PPM1H: variants seen among roughly 807,000 people sequenced by gnomAD.
PPM1H encodes the protein protein phosphatase 1H.
A neutral mutation model predicts 54.9 loss-of-function variants in PPM1H; 27 were observed. That is an observed-to-expected ratio of 0.49 (90% CI 0.36 to 0.68). PPM1H has a LOEUF of 0.68. Ranked by LOEUF, PPM1H falls within the 30% of genes least tolerant of loss-of-function variation. The pLI is 0.00. For missense variants in PPM1H, 596 were observed against 667.8 expected, an observed-to-expected ratio of 0.89 and a Z score of 1.19; for synonymous variants, 305 against 270.8, an observed-to-expected ratio of 1.13 and a Z score of -1.24.
Position 62,651,695 on chromosome 12 carries a change from G to A in PPM1H, c.1398-3059C>T, listed in dbSNP as rs1404446512. Among the ~76,000 whole-genome samples the A allele has an allele frequency of 2.0e-5, 3 of 152,006 alleles. No homozygotes were observed. The East Asian group carries it at 5.8e-4, about 29-fold the overall frequency. ...TTCCCTTAGGTGCTTAACTTCCTGA[G>A]GGAAAATCCACTCTTGCTTTCTCAA... On this transcript the variant is annotated intron_variant, in intron 9 of 9. Coordinates refer to ENST00000228705, the MANE Select transcript of PPM1H (RefSeq NM_020700.2).
intron 1 of PPM1H, among the ~76,000 whole-genome samples, chr12:62,840,382 G>A (rs752381598): frequency 3.9e-5 from 6 of 152,238 alleles, no homozygotes; most frequent in Non-Finnish European, 7.4e-5. Flanking sequence ...TCACACTGGC[G>A]GTGAGGATTT....
At chr12:62,869,324 ATTCATT>A (rs778276476) in intron 1 of PPM1H, among the ~76,000 whole-genome samples, 9 of 152,168 alleles carry the variant, frequency 5.9e-5, no homozygotes, top group Non-Finnish European at 1.3e-4. Flanking sequence ...TTGACACTTC[ATTCATT>A]TTAAGATTTA....
At chr12:62,816,776 GC>G (rs1399591747) in intron 2 of PPM1H, among the ~76,000 whole-genome samples, 1 of 151,168 alleles carries the variant, frequency 6.6e-6, no homozygotes, top group Non-Finnish European at 1.5e-5. Context: ...AAAGTTTATT[GC>G]CCTTGACAAT....
intron 2 of PPM1H, among the ~76,000 whole-genome samples, chr12:62,819,942 C>T (rs1471634169): frequency 6.6e-6 from 1 of 152,150 alleles, no homozygotes; most frequent in Non-Finnish European, 1.5e-5. Context: ...GAGTGCAGCC[C>T]AAAGAGGGCG....
chr12:62,799,946 T>G (rs2076757141), intron 3 of PPM1H, among the ~76,000 whole-genome samples: 1 of 151,900 alleles, frequency 6.6e-6, no homozygotes, highest in African/African-American at 2.4e-5. Flanking sequence ...GCTCAAACAA[T>G]CCTCCGGCCT....
At chr12:62,733,328 T>C (rs1158267861) in intron 5 of PPM1H, among the ~76,000 whole-genome samples, 2 of 151,986 alleles carry the variant, frequency 1.3e-5, no homozygotes, top group African/African-American at 2.4e-5. Flanking sequence ...AATCTCGGCT[T>C]ACTGCAACCT....
intron 2 of PPM1H, among the ~76,000 whole-genome samples, chr12:62,804,663 T>C (rs2076794062): frequency 6.9e-6 from 1 of 144,696 alleles, no homozygotes; most frequent in African/African-American, 2.6e-5. Context: ...TTTTGGTTAA[T>C]TTCTTTTTTT....
chr12:62,688,626 A>T (rs1030601041), intron 8 of PPM1H, among the ~76,000 whole-genome samples: 1 of 152,156 alleles, frequency 6.6e-6, no homozygotes, highest in Non-Finnish European at 1.5e-5. Flanking sequence ...TTTGTAAATT[A>T]ACTTCTCTAA....
chr12:62,828,234 G>C (rs1565801478), intron 2 of PPM1H, among the ~76,000 whole-genome samples: 1 of 152,152 alleles, frequency 6.6e-6, no homozygotes, highest in African/African-American at 2.4e-5. Context: ...AGAAGTGGAA[G>C]CCAAAGTCTT....
chr12:62,926,670 A>G (rs1871979119), intron 1 of PPM1H, among the ~76,000 whole-genome samples: 1 of 152,164 alleles, frequency 6.6e-6, no homozygotes, highest in Non-Finnish European at 1.5e-5. Flanking sequence ...AGATCTCTAA[A>G]TGGGTCAGGT....
At position 62,694,017 on chromosome 12, in the gene PPM1H, C is replaced by A; in HGVS notation, c.1074-18G>T. ...TGTATGCCCTGTAGGGGATAAACAA[C>A]ATTTTAAAAAAGGTTTGCACTCAAT... On this transcript the variant is annotated intron_variant, in intron 6 of 9. Coordinates refer to ENST00000228705, the MANE Select transcript of PPM1H (RefSeq NM_020700.2). 1 of 1,606,182 alleles carries A rather than the reference C, an allele frequency of 6.2e-7. No individual in the cohort carries two copies. Among genetic ancestry groups the A allele is most frequent in the Non-Finnish European group, 8.5e-7 (1 of 1,175,862 alleles).
chr12:62,910,732 C>A (rs1197356055), intron 1 of PPM1H, among the ~76,000 whole-genome samples: 1 of 152,158 alleles, frequency 6.6e-6, no homozygotes, highest in African/African-American at 2.4e-5. Flanking sequence ...CCACCTCCTG[C>A]CTGTCCCATG....
intron 6 of PPM1H, among the ~76,000 whole-genome samples, chr12:62,711,617 G>A (rs1375283952): frequency 6.6e-6 from 1 of 152,202 alleles, no homozygotes; most frequent in African/African-American, 2.4e-5. Context: ...AGTCACAGGG[G>A]AAGCGCCGTG....
intron 4 of PPM1H, among the ~76,000 whole-genome samples, chr12:62,765,232 G>A (rs558228055): frequency 1.1e-4 from 16 of 152,312 alleles, no homozygotes; most frequent in African/African-American, 3.6e-4. Context: ...TGATGTCCAC[G>A]AGATGTCATC....
intron 5 of PPM1H, among the ~76,000 whole-genome samples, chr12:62,732,077 C>T (rs1020478805): frequency 7.2e-5 from 11 of 152,202 alleles, no homozygotes; most frequent in Admixed American, 2.0e-4. Context: ...GAAACAAAAC[C>T]CAGCAACAGA....
chr12:62,836,766 A>G (rs1193206528), intron 1 of PPM1H, among the ~76,000 whole-genome samples: 7 of 152,200 alleles, frequency 4.6e-5, no homozygotes, highest in Non-Finnish European at 8.8e-5. Flanking sequence ...CTCAATATGG[A>G]AAGTTTATAC....
At chr12:62,796,680 G>T (rs890843926) in intron 3 of PPM1H, among the ~76,000 whole-genome samples, 1 of 152,108 alleles carries the variant, frequency 6.6e-6, no homozygotes, top group Non-Finnish European at 1.5e-5. Flanking sequence ...ACATAGGCAC[G>T]AGTGTTTAAA....
At chr12:62,865,116 C>T (rs1298475724) in intron 1 of PPM1H, among the ~76,000 whole-genome samples, 1 of 152,170 alleles carries the variant, frequency 6.6e-6, no homozygotes, top group Admixed American at 6.5e-5. Context: ...CTCATTCTCT[C>T]CAATTAAGAG....
At chr12:62,861,146 TA>T (rs1186151659) in intron 1 of PPM1H, among the ~76,000 whole-genome samples, 1 of 152,230 alleles carries the variant, frequency 6.6e-6, no homozygotes, top group Non-Finnish European at 1.5e-5. Context: ...TAGACTAGGT[TA>T]AAATCCCACT....
Sources: allele counts gnomAD v4.1 joint callset (sites outside exome capture counted in the v4.1 genomes callset), GRCh38; gene constraint gnomAD v4.1.1; transcripts MANE v1.5; gene names NCBI Gene and HGNC (gene_info 2026-07-23, HGNC 2026-07-21).